The following B3GLCT variants were observed in gnomAD, a reference collection of about 807,000 sequenced individuals.
B3GLCT encodes the protein beta-1,3-glucosyltransferase.
A neutral mutation model predicts 63.4 loss-of-function variants in B3GLCT; 65 were observed. The observed-to-expected ratio is 1.03, with a 90% CI of 0.84 to 1.26. B3GLCT has a LOEUF of 1.26. Among genes scored for constraint, B3GLCT ranks in the 50% most tolerant of loss-of-function variants. The probability of loss-of-function intolerance (pLI) is 0.00; values close to 1 mark genes in which losing one functional copy is unlikely to be tolerated. For synonymous variants in B3GLCT, 233 were observed against 219.2 expected, an observed-to-expected ratio of 1.06 and a Z score of -0.55; for missense variants, 577 against 604.8, an observed-to-expected ratio of 0.95 and a Z score of 0.48.
At chr13:31,258,696 C>G (rs1263641139) in intron 6 of B3GLCT, among the ~76,000 whole-genome samples, 1 of 152,152 alleles carries the variant, frequency 6.6e-6, no homozygotes, top group Non-Finnish European at 1.5e-5. Flanking sequence ...ATGACTTCCC[C>G]TGCTGCCAGC....
chr13:31,248,792 T>C (rs1397630983), intron 6 of B3GLCT, among the ~76,000 whole-genome samples: 1 of 152,168 alleles, frequency 6.6e-6, no homozygotes, highest in Non-Finnish European at 1.5e-5. Context: ...CTTAGCAGAG[T>C]GTTTAACACT....
At chr13:31,298,287 C>T (rs1212154771) in intron 12 of B3GLCT, among the ~76,000 whole-genome samples, 4 of 152,212 alleles carry the variant, frequency 2.6e-5, no homozygotes, top group Non-Finnish European at 1.5e-5. Context: ...CCTCGTTCTT[C>T]AGATACCTTA....
intron 1 of B3GLCT, among the ~76,000 whole-genome samples, chr13:31,201,824 G>A (rs992496219): frequency 6.6e-6 from 1 of 152,180 alleles, no homozygotes; most frequent in Non-Finnish European, 1.5e-5. Flanking sequence ...GCACTAAGAT[G>A]TCAACACATT....
intron 4 of B3GLCT, among the ~76,000 whole-genome samples, chr13:31,237,583 G>A (rs759715668): frequency 6.6e-6 from 1 of 152,088 alleles, no homozygotes; most frequent in Non-Finnish European, 1.5e-5. Context: ...TCGAACTCCT[G>A]ACCTCAGGTG....
rs569084521 is a variant in B3GLCT, at chr13:31,208,456, C to T, written c.71-6595C>T. Among the ~76,000 whole-genome samples, 71 of 152,286 alleles carry T rather than the reference C, an allele frequency of 4.7e-4. No individual in the cohort carries two copies. The South Asian group carries it at 0.014, about 30-fold the overall frequency. On this transcript the variant is annotated intron_variant, in intron 1 of 14. Coordinates refer to ENST00000343307, the MANE Select transcript of B3GLCT (RefSeq NM_194318.4). ...GGGCTCACCCCTGCACCCGGCTCTCCTGCCTGTCTGCACTTGCGTATCCTC... is the reference window on the plus strand; with the variant it reads ...GGGCTCACCCCTGCACCCGGCTCTCTTGCCTGTCTGCACTTGCGTATCCTC...
intron 10 of B3GLCT, among the ~76,000 whole-genome samples, chr13:31,283,780 A>G (rs1243568912): frequency 6.6e-6 from 1 of 152,204 alleles, no homozygotes; most frequent in Non-Finnish European, 1.5e-5. Context: ...GGAAAGATAC[A>G]TGATCTGATA....
chr13:31,252,321 A>G (rs928773783), intron 6 of B3GLCT, among the ~76,000 whole-genome samples: 1 of 152,236 alleles, frequency 6.6e-6, no homozygotes, highest in African/African-American at 2.4e-5. Context: ...TAAGGGGCAA[A>G]ATAACCAGCT....
At chr13:31,270,370 T>C (rs753389485) in intron 8 of B3GLCT, among the ~76,000 whole-genome samples, 3 of 152,232 alleles carry the variant, frequency 2.0e-5, no homozygotes, top group Admixed American at 6.5e-5. Flanking sequence ...TACAGAATAT[T>C]TGAGTAGAAA....
chr13:31,252,955 A>T (rs956230782), intron 6 of B3GLCT, among the ~76,000 whole-genome samples: 13 of 152,216 alleles, frequency 8.5e-5, no homozygotes, highest in African/African-American at 3.1e-4. Flanking sequence ...TGACCACATA[A>T]TTGGAAGTAA....
chr13:31,235,944 A>G (rs1171691939), intron 4 of B3GLCT, among the ~76,000 whole-genome samples: 1 of 152,142 alleles, frequency 6.6e-6, no homozygotes, highest in Non-Finnish European at 1.5e-5. Flanking sequence ...GGCTTCTGTC[A>G]CTTACTAATG....
intron 1 of B3GLCT, among the ~76,000 whole-genome samples, chr13:31,211,256 A>T (rs572351264): frequency 3.6e-4 from 55 of 152,204 alleles, no homozygotes; most frequent in African/African-American, 1.3e-3. Flanking sequence ...TTAGCTGGGC[A>T]TGGTGGCACG....
chr13:31,288,429 G>T (rs1873459638), intron 12 of B3GLCT, among the ~76,000 whole-genome samples: 1 of 152,156 alleles, frequency 6.6e-6, no homozygotes, highest in African/African-American at 2.4e-5. Context: ...CAGTTCACCT[G>T]CAGGCCCAAG....
chr13:31,239,592 C>G (rs1380397566), intron 4 of B3GLCT, among the ~76,000 whole-genome samples: 1 of 151,694 alleles, frequency 6.6e-6, no homozygotes, highest in Admixed American at 6.6e-5. Flanking sequence ...TTGTTAGTTA[C>G]ATGAAACAAA....
chr13:31,200,262 G>C (rs1056424202), intron 1 of B3GLCT, 108 bp downstream of exon 1: 6 of 549,106 alleles, frequency 1.1e-5, no homozygotes, highest in African/African-American at 8.3e-5. Context: ...GCCCAGCCCT[G>C]CCCCGCCGGC....
chr13:31,294,594 C>T (rs990513387), intron 12 of B3GLCT, among the ~76,000 whole-genome samples: 1 of 152,126 alleles, frequency 6.6e-6, no homozygotes, highest in East Asian at 1.9e-4. Context: ...TCCACTTGAT[C>T]GATTAGGCTG....
intron 5 of B3GLCT, among the ~76,000 whole-genome samples, chr13:31,247,533 A>G (rs1871250724): frequency 1.3e-5 from 2 of 152,214 alleles, no homozygotes; most frequent in African/African-American, 2.4e-5. Flanking sequence ...TTGGCCTCCC[A>G]AAGTGCTGGG....
At chr13:31,290,007 C>A (rs1873572250) in intron 12 of B3GLCT, among the ~76,000 whole-genome samples, 1 of 152,072 alleles carries the variant, frequency 6.6e-6, no homozygotes, top group Admixed American at 6.6e-5. Flanking sequence ...CTAATGCTAC[C>A]CCTCCCCTAG....
intron 13 of B3GLCT, among the ~76,000 whole-genome samples, chr13:31,320,018 C>G (rs1420026660): frequency 6.6e-6 from 1 of 152,176 alleles, no homozygotes; most frequent in African/African-American, 2.4e-5. Context: ...CTCTCTACCT[C>G]CAGTAATCTC....
chr13:31,324,687 T>G (rs575920542), intron 14 of B3GLCT, among the ~76,000 whole-genome samples: 2 of 152,346 alleles, frequency 1.3e-5, no homozygotes, highest in South Asian at 4.1e-4. Flanking sequence ...ATGCCTTCTC[T>G]TATATTGAAA....
Sources: allele counts gnomAD v4.1 joint callset (sites outside exome capture counted in the v4.1 genomes callset), GRCh38; gene constraint gnomAD v4.1.1; transcripts MANE v1.5; gene names NCBI Gene and HGNC (gene_info 2026-07-23, HGNC 2026-07-21).